PTK2: variants seen among roughly 807,000 people sequenced by gnomAD.
PTK2 encodes the protein protein tyrosine kinase 2, also known as focal adhesion kinase 1.
A neutral mutation model predicts 150.1 loss-of-function variants in PTK2; 45 were observed. That is an observed-to-expected ratio of 0.30 (90% CI 0.24 to 0.38). The LOEUF is 0.38. PTK2 is among the 10% of genes least tolerant of loss of function. PTK2 has a pLI of 1.00. For missense variants in PTK2, 919 were observed against 1,307.3 expected (o/e 0.70, Z 4.58); for synonymous variants, 432 against 449.2 (o/e 0.96, Z 0.48).
chr8:140,903,174 G>A (rs975178742), intron 2 of PTK2, among the ~76,000 whole-genome samples: 4 of 151,826 alleles, frequency 2.6e-5, no homozygotes. Context: ...TAAGGAAGGG[G>A]TCCAGTTTCA....
At chr8:140,864,424 C>T (rs1264339047) in intron 4 of PTK2, 25 bp from the exon 5 acceptor site, 2 of 1,369,312 alleles carry the variant, frequency 1.5e-6, no homozygotes, top group South Asian at 2.5e-5. Flanking sequence ...CAAAACAGAA[C>T]AATTAGAAAT....
At chr8:140,879,388 A>G (rs1451556526) in intron 4 of PTK2, 83 bp downstream of exon 4, 2 of 1,372,330 alleles carry the variant, frequency 1.5e-6, no homozygotes, top group African/African-American at 3.0e-5. Context: ...AAAATTAAAC[A>G]TATACATTTG....
intron 1 of PTK2, among the ~76,000 whole-genome samples, chr8:140,989,211 C>CT (rs202243146): frequency 2.9e-3 from 56 of 19,230 alleles, no homozygotes; most frequent in East Asian, 0.028. Flanking sequence ...GACCCTGTCT[C>CT]TAAAAAAAAA....
intron 7 of PTK2, among the ~76,000 whole-genome samples, chr8:140,839,483 A>G (rs1305475386): frequency 6.6e-6 from 1 of 152,244 alleles, no homozygotes; most frequent in Admixed American, 6.5e-5. Flanking sequence ...AACTTGAAGA[A>G]ATAAACGGCA....
intron 29 of PTK2, chr8:140,669,456 T>C (rs1234504842): frequency 1.7e-5 from 7 of 413,562 alleles, no homozygotes; most frequent in African/African-American, 8.1e-5. Context: ...TTTGCCTAAG[T>C]AATCTGGAAC....
chr8:140,718,900 G>A (rs1259740750), intron 22 of PTK2, among the ~76,000 whole-genome samples: 2 of 152,112 alleles, frequency 1.3e-5, no homozygotes, highest in African/African-American at 2.4e-5. Context: ...CATCAGGACC[G>A]GGCATGGTGG....
chr8:140,752,420 CA>C, intron 16 of PTK2, 104 bp from the exon 20 acceptor site: 1 of 915,288 alleles, frequency 1.1e-6, no homozygotes, highest in Non-Finnish European at 1.7e-6. Context: ...GGTTATGGAC[CA>C]GACAGAATCA....
chr8:140,660,658 A>C, intron 31 of PTK2: 1 of 455,132 alleles, frequency 2.2e-6, no homozygotes, highest in Non-Finnish European at 4.4e-6. Flanking sequence ...CCTGGAAGAC[A>C]GAGGTTGTAG....
At chr8:140,947,307 T>C (rs2100178020) in intron 1 of PTK2, among the ~76,000 whole-genome samples, 1 of 152,124 alleles carries the variant, frequency 6.6e-6, no homozygotes, top group African/African-American at 2.4e-5. Context: ...ACCTCAACTA[T>C]CCCCACATCA....
At chr8:140,854,891 C>T (rs568916448) in intron 5 of PTK2, among the ~76,000 whole-genome samples, 6 of 152,002 alleles carry the variant, frequency 3.9e-5, no homozygotes, top group Non-Finnish European at 8.8e-5. Flanking sequence ...TATTTCCCTC[C>T]CTCTCTTCTT....
Position 140,754,353 on chromosome 8 carries a change from T to C in PTK2, c.1333-2037A>G, listed in dbSNP as rs567645679. On this transcript the variant is annotated intron_variant, in intron 16 of 31. Transcript: ENST00000522684. ...GTGCTAAAATATAACCACTTTGCTT[T>C]GAATGAGTCAGTCTTGTCTTCCTTA... 7.2e-5 allele frequency among the ~76,000 whole-genome samples: 11 copies of C among 152,342 alleles called. No individual in the cohort carries two copies. The South Asian group carries it at 2.3e-3, about 32-fold the overall frequency.
intron 21 of PTK2, among the ~76,000 whole-genome samples, chr8:140,737,089 T>C (rs1358066708): frequency 6.6e-6 from 1 of 152,212 alleles, no homozygotes; most frequent in African/African-American, 2.4e-5. Flanking sequence ...CTGGATATAA[T>C]TTCTTGAGAA....
intron 11 of PTK2, 28 bp downstream of exon 11, chr8:140,803,515 C>T (rs1027500767): frequency 2.6e-6 from 4 of 1,557,236 alleles, no homozygotes; most frequent in Non-Finnish European, 2.7e-6. Context: ...ACCATTTTCC[C>T]TTAATGATGA....
intron 14 of PTK2, among the ~76,000 whole-genome samples, chr8:140,767,900 T>TG (rs1456107244): frequency 8.5e-5 from 13 of 152,094 alleles, no homozygotes; most frequent in Non-Finnish European, 1.8e-4. Context: ...AAAATTGGAG[T>TG]ACAGTCTGAA....
At chr8:140,942,136 C>T (rs1191843201) in intron 1 of PTK2, among the ~76,000 whole-genome samples, 1 of 152,142 alleles carries the variant, frequency 6.6e-6, no homozygotes, top group East Asian at 1.9e-4. Context: ...ACCTCAGCCT[C>T]CCAAAGGGTT....
chr8:140,677,757 T>C (rs549275631), intron 27 of PTK2, among the ~76,000 whole-genome samples: 11 of 152,366 alleles, frequency 7.2e-5, no homozygotes, highest in African/African-American at 2.4e-4. Flanking sequence ...TGAAGAATGA[T>C]ACCATATCAA....
chr8:140,891,297 A>G (rs2100154173), intron 2 of PTK2, among the ~76,000 whole-genome samples: 1 of 152,218 alleles, frequency 6.6e-6, no homozygotes, highest in South Asian at 2.1e-4. Context: ...AATCAGACAG[A>G]CAGCAACTGA....
At chr8:140,878,500 T>G (rs1050489622) in intron 4 of PTK2, among the ~76,000 whole-genome samples, 1 of 151,584 alleles carries the variant, frequency 6.6e-6, no homozygotes, top group Non-Finnish European at 1.5e-5. Flanking sequence ...CTCAAGAAGC[T>G]GAAGTGGGAG....
At position 140,890,765 on chromosome 8, in the gene PTK2, A is replaced by G; in HGVS notation, c.-28T>C. Reference sequence around the variant, plus strand: ...TTTTGCTAGATGCTAGGTATCTGTCATATTCTGTTAAAAGAACAAAATAAT... The same window carrying G: ...TTTTGCTAGATGCTAGGTATCTGTCGTATTCTGTTAAAAGAACAAAATAAT... On this transcript the variant is annotated 5_prime_UTR_variant, in exon 3 of 32. An upstream start codon of the reference 5' UTR is lost. Transcript: ENST00000522684. 1.2e-6 allele frequency: 2 copies of G among 1,613,554 alleles called. No homozygotes were observed. The highest frequency in any genetic ancestry group is 1.7e-6 in the Non-Finnish European group (2 of 1,179,508).
Sources: gnomAD v4.1 joint callset for allele counts (sites outside exome capture counted in the v4.1 genomes callset) on GRCh38, gnomAD v4.1.1 for gene constraint, MANE v1.5 for transcripts, NCBI Gene and HGNC (gene_info 2026-07-23, HGNC 2026-07-21) for gene names.